The following AUH variants were observed in gnomAD, a reference collection of about 807,000 sequenced individuals.
AUH encodes the protein methylglutaconyl-CoA hydratase, mitochondrial.
AUH carries 29 observed loss-of-function variants against 42.3 expected under a neutral mutation model. That is an observed-to-expected ratio of 0.69 (90% CI 0.51 to 0.93). The LOEUF is 0.93. Among genes scored for constraint, AUH ranks in the 40% least tolerant of loss-of-function variants. The pLI is 0.00. For synonymous variants in AUH, 174 were observed against 166.4 expected, an observed-to-expected ratio of 1.05 and a Z score of -0.35; for missense variants, 452 against 438.1, an observed-to-expected ratio of 1.03 and a Z score of -0.28.
intron 6 of AUH, among the ~76,000 whole-genome samples, chr9:91,258,380 C>T (rs891250474): frequency 2.0e-5 from 3 of 152,100 alleles, no homozygotes; most frequent in African/African-American, 7.2e-5. Context: ...GGACTACAGG[C>T]ATGCACCACC....
chr9:91,298,848 T>C (rs1337565344), intron 4 of AUH, among the ~76,000 whole-genome samples: 2 of 152,228 alleles, frequency 1.3e-5, no homozygotes, highest in African/African-American at 4.8e-5. Context: ...AGCAGAACTC[T>C]ATTAATTTTA....
At chr9:91,273,328 C>A (rs1825303745) in intron 6 of AUH, among the ~76,000 whole-genome samples, 1 of 152,162 alleles carries the variant, frequency 6.6e-6, no homozygotes, top group Non-Finnish European at 1.5e-5. Context: ...GTGTACAACA[C>A]CCTTCACTTG....
At chr9:91,303,673 C>T (rs1444262504) in intron 4 of AUH, among the ~76,000 whole-genome samples, 1 of 152,128 alleles carries the variant, frequency 6.6e-6, no homozygotes, top group Admixed American at 6.5e-5. Flanking sequence ...AGTGTTCCTA[C>T]AGAAAGCAGT....
intron 3 of AUH, among the ~76,000 whole-genome samples, chr9:91,330,500 T>C (rs1427938699): frequency 6.6e-6 from 1 of 152,156 alleles, no homozygotes; most frequent in East Asian, 1.9e-4. Context: ...TTGGTGAAGG[T>C]GTAAAGCAAT....
chr9:91,327,564 A>G (rs926599356), intron 3 of AUH, among the ~76,000 whole-genome samples: 5 of 152,128 alleles, frequency 3.3e-5, no homozygotes, highest in African/African-American at 1.2e-4. Context: ...ATGTCACTCA[A>G]TAAAATTCTT....
intron 6 of AUH, among the ~76,000 whole-genome samples, chr9:91,293,938 A>G (rs1564072570): frequency 6.6e-6 from 1 of 152,234 alleles, no homozygotes; most frequent in Non-Finnish European, 1.5e-5. Context: ...CTGCTCACTT[A>G]TCATTCCCAA....
intron 6 of AUH, among the ~76,000 whole-genome samples, chr9:91,232,767 CAGTG>C (rs1401945149): frequency 6.6e-6 from 1 of 152,216 alleles, no homozygotes; most frequent in Admixed American, 6.5e-5. Flanking sequence ...GGTTCTGATT[CAGTG>C]AGTATGAGGT....
At chr9:91,233,574 G>A (rs1828011396) in intron 6 of AUH, among the ~76,000 whole-genome samples, 1 of 152,164 alleles carries the variant, frequency 6.6e-6, no homozygotes, top group Non-Finnish European at 1.5e-5. Context: ...AAAGGAATCT[G>A]GGAATAAAGC....
chr9:91,218,359 A>AT (rs1431576989), intron 7 of AUH, among the ~76,000 whole-genome samples: 2 of 152,244 alleles, frequency 1.3e-5, no homozygotes, highest in East Asian at 1.9e-4. Flanking sequence ...CACCACCACC[A>AT]TTTTTTTCAT....
At chr9:91,238,288 T>C (rs1828303036) in intron 6 of AUH, among the ~76,000 whole-genome samples, 1 of 152,194 alleles carries the variant, frequency 6.6e-6, no homozygotes, top group Non-Finnish European at 1.5e-5. Flanking sequence ...TGCTGAAGCC[T>C]TGCAATCAGG....
intron 4 of AUH, among the ~76,000 whole-genome samples, chr9:91,303,339 T>C (rs1207910327): frequency 6.6e-6 from 1 of 152,190 alleles, no homozygotes; most frequent in Non-Finnish European, 1.5e-5. Flanking sequence ...CGCATGATTT[T>C]TTTTTTTGAA....
chr9:91,307,374 A>T (rs1267378629), intron 4 of AUH, among the ~76,000 whole-genome samples: 2 of 152,250 alleles, frequency 1.3e-5, no homozygotes, highest in East Asian at 3.8e-4. Context: ...TAAAATTTGT[A>T]CACCAAGTAA....
Position 91,217,273 on chromosome 9 carries a change from C to T in AUH, c.894+4G>A. On this transcript the variant is annotated splice_donor_region_variant and intron_variant, in intron 8 of 9. Coordinates refer to ENST00000375731, the MANE Select transcript of AUH (RefSeq NM_001698.3). The stretch of plus-strand genomic sequence containing the variant: ...AAAACAAACTCAAGCATTAAGGAAC[C>T]TACCTCCATCCCTTGATTAATTGCT... 2.5e-6 allele frequency: 4 copies of T among 1,613,244 alleles called. No homozygotes were observed. The highest frequency in any genetic ancestry group is 3.4e-6 in the Non-Finnish European group (4 of 1,179,310).
At chr9:91,327,824 C>T (rs922740451) in intron 3 of AUH, among the ~76,000 whole-genome samples, 1 of 152,212 alleles carries the variant, frequency 6.6e-6, no homozygotes, top group African/African-American at 2.4e-5. Context: ...AGTTGTAACA[C>T]TGCTTGGGGC....
intron 6 of AUH, among the ~76,000 whole-genome samples, chr9:91,280,034 G>A (rs1379322736): frequency 6.6e-6 from 1 of 152,150 alleles, no homozygotes; most frequent in Admixed American, 6.5e-5. Flanking sequence ...CTCTCTGATG[G>A]TAAGTCCAAA....
At chr9:91,356,062 GCAAA>G in intron 2 of AUH, 22 bp downstream of exon 2, 1 of 1,603,976 alleles carries the variant, frequency 6.2e-7, no homozygotes, top group South Asian at 1.1e-5. Context: ...AATATTAGAA[GCAAA>G]CAGTTTAATC....
chr9:91,322,681 C>G (rs547077123), intron 4 of AUH, among the ~76,000 whole-genome samples: 1 of 152,254 alleles, frequency 6.6e-6, no homozygotes, highest in East Asian at 1.9e-4. Context: ...CTTTTCACCT[C>G]ATTCTATGAA....
intron 3 of AUH, among the ~76,000 whole-genome samples, chr9:91,330,412 T>TA (rs1290212563): frequency 2.6e-5 from 4 of 152,164 alleles, no homozygotes; most frequent in African/African-American, 9.7e-5. Context: ...GTTGTTCCAA[T>TA]AAAAATCCCA....
intron 6 of AUH, among the ~76,000 whole-genome samples, chr9:91,280,401 CAT>C (rs1236714373): frequency 2.6e-5 from 4 of 152,086 alleles, no homozygotes; most frequent in Non-Finnish European, 5.9e-5. Context: ...ACCTGCCACT[CAT>C]AAAATGAATA....
Sources: gnomAD v4.1 joint callset for allele counts (sites outside exome capture counted in the v4.1 genomes callset) on GRCh38, gnomAD v4.1.1 for gene constraint, MANE v1.5 for transcripts, NCBI Gene and HGNC (gene_info 2026-07-23, HGNC 2026-07-21) for gene names.